The following CSMD3 variants were observed in gnomAD, a reference collection of about 807,000 sequenced individuals.
CSMD3 encodes CUB and Sushi multiple domains 3.
Under a neutral mutation model 435.2 loss-of-function variants are expected in CSMD3, and 177 were observed. The ratio of observed to expected loss-of-function variants is 0.41; its 90% CI spans 0.36 to 0.46. CSMD3 has a LOEUF of 0.46. CSMD3 is among the 20% of genes least tolerant of loss of function. The pLI, the probability that CSMD3 is intolerant of heterozygous loss-of-function variation, is 0.34. For missense variants in CSMD3, 4,265 were observed against 4,504.6 expected (o/e 0.95, Z 1.52); for synonymous variants, 1,656 against 1,520.5 (o/e 1.09, Z -2.07).
At chr8:112,500,569 T>C (rs887880275) in intron 30 of CSMD3, among the ~76,000 whole-genome samples, 1 of 152,136 alleles carries the variant, frequency 6.6e-6, no homozygotes, top group African/African-American at 2.4e-5. Flanking sequence ...GACTAAAAAT[T>C]ATAGCCCAAT....
chr8:112,472,784 A>ATTTTTTATATG, intron 31 of CSMD3, 77 bp from the exon 32 acceptor site: 1 of 787,616 alleles, frequency 1.3e-6, no homozygotes, highest in Non-Finnish European at 2.3e-6. Context: ...TTCTTCATAT[A>ATTTTTTATATG]AAAAATATAT....
At chr8:112,459,510 T>C (rs1299207452) in intron 32 of CSMD3, among the ~76,000 whole-genome samples, 1 of 152,112 alleles carries the variant, frequency 6.6e-6, no homozygotes, top group Non-Finnish European at 1.5e-5. Context: ...ATTGGAAAAG[T>C]GGCTATTTGT....
rs543237423 is a variant in CSMD3, at chr8:112,757,230, T to G, written c.1972+42932A>C. On this transcript the variant is annotated intron_variant, in intron 13 of 70. Transcript: ENST00000297405. Reference sequence around the variant, plus strand: ...CACATTGATCTATGGAAAGCTTTTTTTATTAATGTTTAAATGATTGTTTTT... The same window carrying G: ...CACATTGATCTATGGAAAGCTTTTTGTATTAATGTTTAAATGATTGTTTTT... 7.9e-4 allele frequency among the ~76,000 whole-genome samples: 120 copies of G among 152,280 alleles called. 1 individual carries two copies. Among genetic ancestry groups the G allele is most frequent in the African/African-American group, 2.7e-3 (112 of 41,564 alleles).
At chr8:112,938,586 G>A (rs1393086455) in intron 9 of CSMD3, among the ~76,000 whole-genome samples, 1 of 152,124 alleles carries the variant, frequency 6.6e-6, no homozygotes, top group Non-Finnish European at 1.5e-5. Flanking sequence ...AAGGGTGGAG[G>A]CATTTGGAAG....
chr8:112,683,256 C>A, intron 15 of CSMD3, among the ~76,000 whole-genome samples: 1 of 151,962 alleles, frequency 6.6e-6, no homozygotes, highest in Admixed American at 6.6e-5. Context: ...TTTAGAATAG[C>A]TGATGAGGAA....
intron 1 of CSMD3, among the ~76,000 whole-genome samples, chr8:113,318,786 A>ATATGTGTGTGTGTGTGTGTGTG (rs71566042): frequency 2.1e-5 from 3 of 140,066 alleles, no homozygotes; most frequent in African/African-American, 8.0e-5. Flanking sequence ...GCTGAATAAG[A>ATATGTGTGTGTGTGTGTGTGTG]TGTGTGTGTG....
At chr8:113,420,244 T>A (rs772804230) in intron 1 of CSMD3, among the ~76,000 whole-genome samples, 4 of 152,062 alleles carry the variant, frequency 2.6e-5, no homozygotes, top group Non-Finnish European at 4.4e-5. Flanking sequence ...TGTTTTCAAA[T>A]TAGAAATAAC....
intron 16 of CSMD3, among the ~76,000 whole-genome samples, chr8:112,679,594 C>T (rs536535202): frequency 1.3e-5 from 2 of 152,106 alleles, no homozygotes; most frequent in Admixed American, 1.3e-4. Flanking sequence ...AAGTTAAATA[C>T]CATTTGTTTT....
At chr8:112,672,630 A>T (rs1374607634) in intron 16 of CSMD3, among the ~76,000 whole-genome samples, 1 of 152,068 alleles carries the variant, frequency 6.6e-6, no homozygotes, top group Non-Finnish European at 1.5e-5. Context: ...GGGATGAGGA[A>T]GTTATTTGGA....
At chr8:112,886,835 G>T (rs1486761602) in intron 10 of CSMD3, among the ~76,000 whole-genome samples, 1 of 151,484 alleles carries the variant, frequency 6.6e-6, no homozygotes, top group East Asian at 2.0e-4. Context: ...CTTATATAAT[G>T]ACTGATACAA....
chr8:112,462,894 C>T (rs914330800), intron 32 of CSMD3, among the ~76,000 whole-genome samples: 1 of 152,114 alleles, frequency 6.6e-6, no homozygotes, highest in Non-Finnish European at 1.5e-5. Flanking sequence ...AAACTCTCAC[C>T]CCACTGCTAC....
At chr8:112,420,583 C>A (rs1812380030) in intron 32 of CSMD3, among the ~76,000 whole-genome samples, 1 of 151,964 alleles carries the variant, frequency 6.6e-6, no homozygotes, top group Non-Finnish European at 1.5e-5. Context: ...AAATCTATAA[C>A]CCACATCTTA....
At chr8:112,807,002 G>T (rs981626816) in intron 12 of CSMD3, among the ~76,000 whole-genome samples, 2 of 152,170 alleles carry the variant, frequency 1.3e-5, no homozygotes, top group Admixed American at 6.6e-5. Context: ...CCTCTGGCCA[G>T]ACCACCAGGT....
intron 9 of CSMD3, among the ~76,000 whole-genome samples, chr8:112,931,612 C>T (rs1416803967): frequency 1.3e-5 from 2 of 151,502 alleles, no homozygotes; most frequent in Non-Finnish European, 2.9e-5. Flanking sequence ...CTACAGTAAA[C>T]CAGAAAGCTT....
Position 112,223,786 on chromosome 8 carries a change from A to T in CSMD3, c.*985T>A, listed in dbSNP as rs374942831. 17 of 152,262 alleles carry T rather than the reference A, an allele frequency of 1.1e-4. No individual in the cohort carries two copies. In the East Asian group the frequency reaches 1.9e-3, roughly 17 times the overall value. 9.4% of individuals were successfully genotyped at this position (152,262 alleles called of 1,614,324 possible). ...AAAATAATGCTAAATTTGAAGACTCAGCTGGAAGGAAATGTAGATATAAAT... is the reference window on the plus strand; with the variant it reads ...AAAATAATGCTAAATTTGAAGACTCTGCTGGAAGGAAATGTAGATATAAAT... On this transcript the variant is annotated 3_prime_UTR_variant, in exon 71 of 71. Transcript: ENST00000297405.
chr8:113,290,856 C>T (rs1326163861), intron 2 of CSMD3, among the ~76,000 whole-genome samples: 4 of 151,350 alleles, frequency 2.6e-5, no homozygotes, highest in African/African-American at 9.7e-5. Flanking sequence ...CATATTCTAA[C>T]ATTTAAATTG....
chr8:113,264,044 A>G (rs548682016), intron 3 of CSMD3, among the ~76,000 whole-genome samples: 4 of 151,536 alleles, frequency 2.6e-5, no homozygotes, highest in Non-Finnish European at 5.9e-5. Flanking sequence ...AGTAAAAAGA[A>G]TAATTATCTT....
chr8:112,281,044 A>C (rs1818575714), intron 59 of CSMD3, 130 bp downstream of exon 59: 1 of 715,446 alleles, frequency 1.4e-6, no homozygotes, highest in Admixed American at 2.5e-5. Flanking sequence ...ATAATCCTTT[A>C]ATCTGAAAGG....
chr8:113,421,578 C>A (rs1040606270), intron 1 of CSMD3, among the ~76,000 whole-genome samples: 1 of 152,000 alleles, frequency 6.6e-6, no homozygotes, highest in African/African-American at 2.4e-5. Flanking sequence ...GAAAACGATA[C>A]CCTGAAAGTT....
Sources: gnomAD v4.1 joint callset for allele counts (sites outside exome capture counted in the v4.1 genomes callset) on GRCh38, gnomAD v4.1.1 for gene constraint, MANE v1.5 for transcripts, NCBI Gene and HGNC (gene_info 2026-07-23, HGNC 2026-07-21) for gene names.